ZNF782: variants seen among roughly 807,000 people sequenced by gnomAD.
ZNF782 encodes zinc finger protein 782.
A neutral mutation model predicts 13.0 loss-of-function variants in ZNF782; 12 were observed. The observed-to-expected ratio is 0.92, with a 90% CI of 0.59 to 1.50. The LOEUF (loss-of-function observed/expected upper bound fraction) is 1.50. Among genes scored for constraint, ZNF782 ranks in the 40% most tolerant of loss-of-function variants. The pLI is 0.00. For synonymous variants in ZNF782, 284 were observed against 283.0 expected (o/e 1.00, Z -0.04); for missense variants, 770 against 822.9 (o/e 0.94, Z 0.79).
the ZNF782 span, among the ~76,000 whole-genome samples, chr9:96,908,044 T>G: frequency 6.6e-6 from 1 of 151,952 alleles, no homozygotes; most frequent in Non-Finnish European, 1.5e-5. Context: ...GGAAATATAT[T>G]CTTAAATAAA....
At chr9:96,860,947 G>A (rs1172416946) in intron 2 of ZNF782, among the ~76,000 whole-genome samples, 2 of 152,156 alleles carry the variant, frequency 1.3e-5, no homozygotes, top group Non-Finnish European at 2.9e-5. Context: ...AATCAAAGTG[G>A]ATTAAAGATT....
chr9:96,893,999 C>CAAAAAA, the ZNF782 span: 2 of 48,888 alleles, frequency 4.1e-5, no homozygotes, highest in Admixed American at 2.0e-4. Context: ...GACTCCGTCT[C>CAAAAAA]AAAAAAAAAA....
At chr9:96,884,027 A>T in the ZNF782 span, among the ~76,000 whole-genome samples, 4 of 152,256 alleles carry the variant, frequency 2.6e-5, no homozygotes, top group Non-Finnish European at 5.9e-5. Flanking sequence ...TATCAGCCCT[A>T]CACCAGCCAA....
chr9:96,889,356 A>G, the ZNF782 span: 1 of 152,134 alleles, frequency 6.6e-6, no homozygotes, highest in Non-Finnish European at 1.5e-5. Flanking sequence ...TGGGGTGCCC[A>G]AGTCAGGTTG....
chr9:96,890,826 T>C, the ZNF782 span: 1 of 152,212 alleles, frequency 6.6e-6, no homozygotes, highest in Admixed American at 6.5e-5. Flanking sequence ...CAGATATTTG[T>C]ATACCAGTGT....
chr9:96,919,008 A>T, the ZNF782 span: 1 of 230,052 alleles, frequency 4.3e-6, no homozygotes, highest in Admixed American at 4.3e-5. Flanking sequence ...ACCAAGAGTC[A>T]GAATCCCCCA....
At chr9:96,886,530 T>C in the ZNF782 span, among the ~76,000 whole-genome samples, 34 of 152,182 alleles carry the variant, frequency 2.2e-4, no homozygotes, top group Non-Finnish European at 4.6e-4. Flanking sequence ...CACACTAGAA[T>C]TGGTTAAACA....
At chr9:96,892,973 C>T in the ZNF782 span, 1 of 151,666 alleles carries the variant, frequency 6.6e-6, no homozygotes, top group African/African-American at 2.4e-5. Context: ...GGGTTTCAGA[C>T]AGTGACTCTC....
intron 4 of ZNF782, among the ~76,000 whole-genome samples, chr9:96,843,740 CACA>C (rs796222134): frequency 1.8e-4 from 28 of 152,174 alleles, no homozygotes; most frequent in African/African-American, 6.7e-4. Context: ...AAAGTGAGGA[CACA>C]ATTTTTGCTA....
the ZNF782 span, among the ~76,000 whole-genome samples, chr9:96,914,196 AC>A: frequency 2.0e-5 from 3 of 151,462 alleles, 1 homozygote; most frequent in African/African-American, 7.3e-5. Context: ...ATCTCGGCTC[AC>A]TGCAACCTCC....
chr9:96,825,014 C>T (rs1373058250), intron 5 of ZNF782, among the ~76,000 whole-genome samples: 5 of 151,438 alleles, frequency 3.3e-5, no homozygotes, highest in African/African-American at 7.3e-5. Flanking sequence ...CCATCCCCAT[C>T]AAGCTACCAA....
chr9:96,862,568 C>T (rs555232450), intron 1 of ZNF782, among the ~76,000 whole-genome samples: 4 of 152,078 alleles, frequency 2.6e-5, no homozygotes, highest in South Asian at 2.1e-4. Context: ...ACAAGTGAAG[C>T]GAGGCTTCTT....
intron 4 of ZNF782, among the ~76,000 whole-genome samples, chr9:96,844,053 T>C (rs1477039609): frequency 1.3e-5 from 2 of 152,074 alleles, no homozygotes; most frequent in African/African-American, 4.8e-5. Flanking sequence ...AAATGCAAAT[T>C]AAAACCCAAC....
chr9:96,846,928 A>T (rs1053793131), intron 3 of ZNF782, among the ~76,000 whole-genome samples: 1 of 152,222 alleles, frequency 6.6e-6, no homozygotes. Context: ...AAGACAGATC[A>T]TATGATAGGC....
chr9:96,893,769 G>A, the ZNF782 span: 3 of 146,068 alleles, frequency 2.1e-5, no homozygotes, highest in South Asian at 4.2e-4. Context: ...GGGAGGCCGA[G>A]GTGGGTGGAT....
At chr9:96,844,462 C>A (rs1231480008) in intron 4 of ZNF782, among the ~76,000 whole-genome samples, 1 of 151,992 alleles carries the variant, frequency 6.6e-6, no homozygotes, top group African/African-American at 2.4e-5. Context: ...AAGCATTATA[C>A]TAAAGAAAAG....
At chr9:96,923,848 CTTT>C in the ZNF782 span, among the ~76,000 whole-genome samples, 1 of 137,614 alleles carries the variant, frequency 7.3e-6, no homozygotes, top group Non-Finnish European at 1.6e-5. Flanking sequence ...TTTACTTTTC[CTTT>C]TTTTTTTTGA....
At chr9:96,855,431 C>T (rs1223870477), upstream of ZNF782, among the ~76,000 whole-genome samples, 1 of 152,156 alleles carries the variant, frequency 6.6e-6, no homozygotes, top group African/African-American at 2.4e-5. Flanking sequence ...CCGCCAAGTC[C>T]CCAAAGCCCA....
At position 96,818,376 on chromosome 9, in the gene ZNF782, G is replaced by C; in HGVS notation, c.1647C>G (p.Leu549=). 1.2e-6 allele frequency: 2 copies of C among 1,613,294 alleles called. No individual in the cohort carries two copies. Among genetic ancestry groups the C allele is most frequent in the Non-Finnish European group, 1.7e-6 (2 of 1,179,786 alleles). The part of the protein sequence containing the change: ...CGKAFGQKSQ[L]RGHHRIHTGE... The stretch of plus-strand genomic sequence containing the variant: ...CTGTGTGAATTCTATGATGTCCTCT[G>C]AGTTGTGATTTCTGACCGAAAGCTT... The change falls in exon 6 of 6, where the codon CTC becomes CTG. Residue 549 remains leucine, a synonymous_variant. Coordinates refer to ENST00000481138, the MANE Select transcript of ZNF782 (RefSeq NM_001001662.3).
Sources: allele counts gnomAD v4.1 joint callset (sites outside exome capture counted in the v4.1 genomes callset), GRCh38; gene constraint gnomAD v4.1.1; transcripts MANE v1.5; gene names NCBI Gene and HGNC (gene_info 2026-07-23, HGNC 2026-07-21).